The following TAF1 variants were observed in gnomAD, a reference collection of about 807,000 sequenced individuals.
TAF1 encodes TATA-box binding protein associated factor 1.
TAF1 carries 2 observed loss-of-function variants against 138.5 expected under a neutral mutation model. That is an observed-to-expected ratio of 0.01 (90% confidence interval 0.01 to 0.05). TAF1 has a LOEUF of 0.05. Ranked by LOEUF, TAF1 falls within the 10% of genes least tolerant of loss-of-function variation. The pLI, the probability that TAF1 is intolerant of heterozygous loss-of-function variation, is 1.00. For missense variants in TAF1, 709 were observed against 1,478.0 expected, an observed-to-expected ratio of 0.48 and a Z score of 8.53; for synonymous variants, 437 against 503.2, an observed-to-expected ratio of 0.87 and a Z score of 1.76.
intron 13 of TAF1, among the ~76,000 whole-genome samples, chrX:71,513,879 C>A (rs1346178177): frequency 9.0e-6 from 1 of 110,804 alleles, no homozygotes; most frequent in African/African-American, 3.3e-5. Context: ...CACCAATCAG[C>A]GCTCTGTGTC....
Position 71,401,791 on chromosome X carries a change from TTA to T in TAF1, c.3998+56_3998+57del, listed in dbSNP as rs200016563. 2.3e-4 allele frequency: 264 copies of T among 1,124,457 alleles called. 2 individuals carry two copies. The East Asian group carries it at 7.9e-3, about 34-fold the overall frequency. 92.7% of individuals were successfully genotyped at this position (1,124,457 alleles called of 1,213,427 possible). ...ATGGGACAGATTTATTTGAGGTTGGTTATATTGGTGGCTGGCAGGGGTAGATG... is the reference window on the plus strand; with the variant it reads ...ATGGGACAGATTTATTTGAGGTTGGTTATTGGTGGCTGGCAGGGGTAGATG... On this transcript the variant is annotated intron_variant, in intron 25 of 37. Coordinates refer to ENST00000423759, the MANE Select transcript of TAF1 (RefSeq NM_004606.5).
At chrX:71,416,636 A>G (rs1303549227) in intron 28 of TAF1, 1 of 314,585 alleles carries the variant, frequency 3.2e-6, no homozygotes, top group African/African-American at 2.7e-5. Flanking sequence ...ATAAGGATCA[A>G]ACACACAAGG....
At chrX:71,528,304 T>C in intron 13 of TAF1, 1 of 279,600 alleles carries the variant, frequency 3.6e-6, no homozygotes, top group Non-Finnish European at 6.7e-6. Flanking sequence ...TCTGTAAGGC[T>C]TGTCACAACC....
intron 28 of TAF1, among the ~76,000 whole-genome samples, chrX:71,410,492 CTT>C (rs1398491179): frequency 1.3e-5 from 1 of 74,940 alleles, no homozygotes; most frequent in African/African-American, 5.6e-5. Flanking sequence ...GAGTCTTGCT[CTT>C]TGACCCAGGC....
At chrX:71,450,380 A>G (rs915111648) in intron 32 of TAF1, among the ~76,000 whole-genome samples, 2 of 111,176 alleles carry the variant, frequency 1.8e-5, no homozygotes, top group African/African-American at 6.5e-5. Flanking sequence ...TTTTTATATT[A>G]TTAGTAGAGA....
intron 13 of TAF1, among the ~76,000 whole-genome samples, chrX:71,495,384 A>G (rs1054393725): frequency 8.9e-6 from 1 of 111,966 alleles, no homozygotes; most frequent in Non-Finnish European, 1.9e-5. Context: ...TAATAGCAAG[A>G]TGGCTGTCAT....
At chrX:71,514,905 G>C (rs1315489723) in intron 13 of TAF1, among the ~76,000 whole-genome samples, 1 of 111,599 alleles carries the variant, frequency 9.0e-6, no homozygotes, top group Non-Finnish European at 1.9e-5. Flanking sequence ...GATCTTTTTA[G>C]GGAACTAAAA....
At chrX:71,478,848 TG>T (rs2039024690) in intron 13 of TAF1, among the ~76,000 whole-genome samples, 1 of 112,518 alleles carries the variant, frequency 8.9e-6, no homozygotes, top group Non-Finnish European at 1.9e-5. Context: ...TTGGCCAGGC[TG>T]GTCTTGAACT....
At chrX:71,402,253 G>A (rs956907884) in intron 25 of TAF1, among the ~76,000 whole-genome samples, 4 of 111,587 alleles carry the variant, frequency 3.6e-5, no homozygotes, top group Admixed American at 9.6e-5. Context: ...GATTACAGGC[G>A]CACGCCACCA....
intron 4 of TAF1, 68 bp from the exon 5 acceptor site, chrX:71,376,882 G>A (rs1602458685): frequency 8.5e-7 from 1 of 1,181,308 alleles, no homozygotes; most frequent in East Asian, 3.0e-5. Context: ...CCTAAAGTGG[G>A]TGTTTGCGGA....
At chrX:71,388,141 G>T (rs2034352335) in intron 15 of TAF1, 96 bp from the exon 16 acceptor site, 4 of 1,115,701 alleles carry the variant, frequency 3.6e-6, no homozygotes, top group Non-Finnish European at 4.8e-6. Context: ...CATCGGGAAA[G>T]ATGAAAATAC....
At chrX:71,450,327 C>T (rs755064111) in intron 32 of TAF1, among the ~76,000 whole-genome samples, 6 of 109,906 alleles carry the variant, frequency 5.5e-5, no homozygotes, top group Non-Finnish European at 7.6e-5. Context: ...CTCAGCCACC[C>T]GAGTAGCTGG....
chrX:71,476,143 G>C (rs903612225), intron 13 of TAF1, among the ~76,000 whole-genome samples: 1 of 111,685 alleles, frequency 9.0e-6, no homozygotes, highest in Non-Finnish European at 1.9e-5. Context: ...TCTTTATAGT[G>C]ACACAAACGG....
intron 13 of TAF1, among the ~76,000 whole-genome samples, chrX:71,473,538 C>T (rs1385345200): frequency 9.1e-6 from 1 of 109,462 alleles, no homozygotes; most frequent in African/African-American, 3.3e-5. Flanking sequence ...ATTAGTCGGG[C>T]ATGGTGGTGT....
chrX:71,385,354 A>G (rs1009444148), intron 14 of TAF1, among the ~76,000 whole-genome samples: 1 of 112,145 alleles, frequency 8.9e-6, no homozygotes, highest in Non-Finnish European at 1.9e-5. Flanking sequence ...ACTATAATTT[A>G]TGAATATTTA....
intron 18 of TAF1, among the ~76,000 whole-genome samples, chrX:71,391,929 A>T (rs893886625): frequency 9.0e-6 from 1 of 110,780 alleles, no homozygotes; most frequent in Non-Finnish European, 1.9e-5. Context: ...ACCTGGCCTC[A>T]TGTACTCCTG....
intron 13 of TAF1, among the ~76,000 whole-genome samples, chrX:71,508,709 T>C (rs1482026634): frequency 2.9e-5 from 3 of 104,917 alleles, no homozygotes; most frequent in African/African-American, 1.1e-4. Context: ...AGCTAAGAGA[T>C]AGAAGATATA....
chrX:71,372,650 A>T (rs2033157142), intron 3 of TAF1, among the ~76,000 whole-genome samples: 1 of 108,793 alleles, frequency 9.2e-6, no homozygotes, highest in African/African-American at 3.4e-5. Flanking sequence ...AAAAAAAAAA[A>T]AATACAGGGC....
At position 71,377,140 on chromosome X, in the gene TAF1, C is replaced by G; in HGVS notation, c.663C>G (p.Thr221=). The change falls in exon 5 of 38, where the codon ACC becomes ACG. Residue 221 remains threonine (T), a synonymous_variant. Coordinates refer to ENST00000423759, the MANE Select transcript of TAF1 (RefSeq NM_004606.5). ...PLAGIMQHDA[T]KLLPSVTELF... ...CTGGGATTATGCAGCATGATGCCAC[C>G]AAGCTGTTGCCAAGTGTCACAGAAC... 8.3e-7 allele frequency: 1 copy of G among 1,211,619 alleles called. No homozygotes were observed. The highest frequency in any genetic ancestry group is 1.7e-5 in the African/African-American group (1 of 57,740).
Sources: gnomAD v4.1 joint callset for allele counts (sites outside exome capture counted in the v4.1 genomes callset) on GRCh38, gnomAD v4.1.1 for gene constraint, MANE v1.5 for transcripts, NCBI Gene and HGNC (gene_info 2026-07-23, HGNC 2026-07-21) for gene names.